The following GALNT10 variants were observed in gnomAD, a reference collection of about 807,000 sequenced individuals.
GALNT10 encodes GalNAc transferase 10.
A neutral mutation model predicts 75.0 loss-of-function variants in GALNT10; 41 were observed. That is an observed-to-expected ratio of 0.55 (90% confidence interval 0.43 to 0.71). The LOEUF (loss-of-function observed/expected upper bound fraction) is 0.71. Among genes scored for constraint, GALNT10 ranks in the 30% least tolerant of loss-of-function variants. The pLI, the probability that GALNT10 is intolerant of heterozygous loss-of-function variation, is 0.00. For synonymous variants in GALNT10, 302 were observed against 313.0 expected (o/e 0.96, Z 0.37); for missense variants, 727 against 818.5 (o/e 0.89, Z 1.36).
chr5:154,190,813 AGCTGGGGGCGG>A lies in GALNT10; in HGVS notation c.-53_-43del. On this transcript the variant is annotated 5_prime_UTR_variant, in exon 1 of 12. Coordinates refer to ENST00000297107, the MANE Select transcript of GALNT10 (RefSeq NM_198321.4). ...GCCGGGCGGACGGGCGGACGCGCGG[AGCTGGGGGCGG>A]CGCGGCGGGGCCGGCGGGGCGCGGC... The A allele has an allele frequency of 3.1e-6, 3 of 981,904 alleles. No homozygotes were observed. Among genetic ancestry groups the A allele is most frequent in the Non-Finnish European group, 3.7e-6 (3 of 813,132 alleles). 60.8% of individuals were successfully genotyped at this position (981,904 alleles called of 1,614,324 possible).
chr5:154,247,700 A>C (rs74617242), intron 1 of GALNT10, among the ~76,000 whole-genome samples: 89,144 of 152,048 alleles, frequency 0.59, 27,625 homozygotes, highest in East Asian at 0.76. Context: ...TATCAGCTTA[A>C]GGAGATTTTG....
At chr5:154,244,007 C>A (rs1291515418) in intron 1 of GALNT10, among the ~76,000 whole-genome samples, 4 of 152,168 alleles carry the variant, frequency 2.6e-5, no homozygotes, top group Admixed American at 2.6e-4. Context: ...GGAAGCTTGC[C>A]CTGGTCACTC....
intron 7 of GALNT10, 191 bp downstream of exon 7, chr5:154,386,621 G>GGGGGGCCCCGGC: frequency 2.6e-6 from 1 of 387,274 alleles, no homozygotes. Context: ...GTGTGGGAGG[G>GGGGGGCCCCGGC]AAGGGGAGTA....
intron 7 of GALNT10, among the ~76,000 whole-genome samples, chr5:154,400,813 G>A (rs1301113786): frequency 6.6e-6 from 1 of 152,166 alleles, no homozygotes; most frequent in Non-Finnish European, 1.5e-5. Context: ...TGAGCAAGAA[G>A]TGAGTGGAAT....
At chr5:154,399,689 C>T (rs776713871) in intron 7 of GALNT10, among the ~76,000 whole-genome samples, 25 of 152,302 alleles carry the variant, frequency 1.6e-4, no homozygotes, top group Admixed American at 7.8e-4. Flanking sequence ...TTGAATCAGT[C>T]TTGATTCACC....
intron 2 of GALNT10, among the ~76,000 whole-genome samples, chr5:154,295,967 C>A (rs1754265696): frequency 6.6e-6 from 1 of 152,146 alleles, no homozygotes; most frequent in South Asian, 2.1e-4. Context: ...ATGACAAAAC[C>A]AGCTTACCAC....
chr5:154,211,192 T>A (rs1415915471), intron 1 of GALNT10, among the ~76,000 whole-genome samples: 1 of 152,210 alleles, frequency 6.6e-6, no homozygotes, highest in Non-Finnish European at 1.5e-5. Flanking sequence ...AAGGGCTTGG[T>A]CCCTTTGGGG....
In GALNT10 at chr5:154,298,191, C is replaced by T. The variant is rs111468454; in HGVS notation, c.401+112C>T. The T allele has an allele frequency of 1.1e-6, 1 of 913,768 alleles. No homozygotes were observed. Among genetic ancestry groups the T allele is most frequent in the Non-Finnish European group, 1.7e-6 (1 of 580,556 alleles). 56.6% of individuals were successfully genotyped at this position (913,768 alleles called of 1,614,324 possible). A position where few individuals can be genotyped will look rare whatever the true frequency, so the allele number is the denominator to read the frequency against. Reference sequence around the variant, plus strand: ...GCCCTGCTGACGGAGACACCCTCCTCTTTCACAGGCATTTGTGCAAAGGTT... The same window carrying T: ...GCCCTGCTGACGGAGACACCCTCCTTTTTCACAGGCATTTGTGCAAAGGTT... On this transcript the variant is annotated intron_variant, in intron 3 of 11. Coordinates refer to ENST00000297107, the MANE Select transcript of GALNT10 (RefSeq NM_198321.4). This position sits in a 1 kb window ranked among gnomAD's most constrained non-coding sequence, Gnocchi z 4.1.
Position 154,402,333 on chromosome 5 carries a change from G to A in GALNT10, c.1057-1771G>A, listed in dbSNP as rs927178050. Reference sequence around the variant, plus strand: ...CTTTGCACTTGCTCTTCTCCCACCCGTTCCCTTGCCTTTACTTTCACCTTC... The same window carrying A: ...CTTTGCACTTGCTCTTCTCCCACCCATTCCCTTGCCTTTACTTTCACCTTC... On this transcript the variant is annotated intron_variant, in intron 7 of 11. Coordinates refer to ENST00000297107, the MANE Select transcript of GALNT10 (RefSeq NM_198321.4). This position sits in a 1 kb window ranked among gnomAD's most constrained non-coding sequence, Gnocchi z 4.2. Among the ~76,000 whole-genome samples, 16 of 152,066 alleles carry A rather than the reference G, an allele frequency of 1.1e-4. No individual in the cohort carries two copies. Among genetic ancestry groups the A allele is most frequent in the African/African-American group, 2.9e-4 (12 of 41,382 alleles).
At chr5:154,297,179 G>T (rs190331463) in intron 2 of GALNT10, among the ~76,000 whole-genome samples, 1 of 152,262 alleles carries the variant, frequency 6.6e-6, no homozygotes, top group East Asian at 1.9e-4. Context: ...ATTTCCTGGA[G>T]TATCACACTC....
intron 1 of GALNT10, among the ~76,000 whole-genome samples, chr5:154,252,075 C>T (rs1378728466): frequency 6.6e-6 from 1 of 152,020 alleles, no homozygotes; most frequent in Non-Finnish European, 1.5e-5. Context: ...TTGTCTTACC[C>T]ATGTTATACA....
chr5:154,414,818 T>C (rs1452667944), intron 10 of GALNT10, among the ~76,000 whole-genome samples: 1 of 151,998 alleles, frequency 6.6e-6, no homozygotes, highest in East Asian at 1.9e-4. Flanking sequence ...AGACTAACTG[T>C]GAAAAGAAAT....
At chr5:154,396,746 C>T (rs1756025575) in intron 7 of GALNT10, among the ~76,000 whole-genome samples, 1 of 152,260 alleles carries the variant, frequency 6.6e-6, no homozygotes, top group African/African-American at 2.4e-5. Flanking sequence ...GGGGAAGTAA[C>T]TAACTATAAA....
intron 1 of GALNT10, among the ~76,000 whole-genome samples, chr5:154,246,078 G>A (rs1490389047): frequency 6.6e-6 from 1 of 151,238 alleles, no homozygotes; most frequent in Non-Finnish European, 1.5e-5. Context: ...TTGTCCTTGC[G>A]ATAGTTTGCT....
In GALNT10 at chr5:154,298,021, A is replaced by G. The variant is rs750157494; in HGVS notation, c.343A>G (p.Ile115Val). The stretch of plus-strand genomic sequence containing the variant: ...GGCATACCGAGAAAATGGATTTAAC[A>G]TCTACGTCAGTGATAAAATCTCCTT... ...DQAYRENGFN[I>V]YVSDKISLNR... The change falls in exon 3 of 12, where the codon ATC becomes GTC. Residue 115 changes from isoleucine to valine, a missense_variant. Ile to Val is a conservative substitution (Grantham distance 29). Transcript: ENST00000297107. This position sits in a 1 kb window ranked among gnomAD's most constrained non-coding sequence, Gnocchi z 4.1. The G allele has an allele frequency of 1.9e-6, 3 of 1,613,474 alleles. No homozygotes were observed. Among genetic ancestry groups the G allele is most frequent in the Admixed American group, 1.7e-5 (1 of 60,028 alleles).
intron 5 of GALNT10, among the ~76,000 whole-genome samples, chr5:154,379,329 CA>C (rs1376842947): frequency 1.3e-5 from 2 of 152,216 alleles, no homozygotes; most frequent in Non-Finnish European, 2.9e-5. Flanking sequence ...CACTTACAAT[CA>C]ATTTCATGAC....
rs185654853 is a variant in GALNT10 at position 154,313,075 on chromosome 5, G to A, written c.401+14996G>A. Among the ~76,000 whole-genome samples the A allele has an allele frequency of 9.9e-5, 15 of 152,266 alleles. No individual in the cohort carries two copies. The East Asian group carries it at 2.5e-3, about 25-fold the overall frequency. On this transcript the variant is annotated intron_variant, in intron 3 of 11. Transcript: ENST00000297107. ...TTTAATCCCAACACTTTGGGAGGCC[G>A]AGGCAGGTGGATCACTTGAGGTCAG...
At chr5:154,325,374 T>C (rs1384209904) in intron 3 of GALNT10, among the ~76,000 whole-genome samples, 1 of 152,192 alleles carries the variant, frequency 6.6e-6, no homozygotes, top group African/African-American at 2.4e-5. Context: ...TAAGAATTTA[T>C]ATTTTTAGCA....
chr5:154,276,961 AAC>A (rs1753962352), intron 1 of GALNT10, among the ~76,000 whole-genome samples: 1 of 152,188 alleles, frequency 6.6e-6, no homozygotes, highest in Non-Finnish European at 1.5e-5. Context: ...TTAGCTTGCA[AAC>A]ACAGAACGGA....
Sources: allele counts gnomAD v4.1 joint callset (sites outside exome capture counted in the v4.1 genomes callset), GRCh38; gene constraint gnomAD v4.1.1; non-coding constraint Gnocchi (gnomAD v3.1); transcripts MANE v1.5; gene names NCBI Gene and HGNC (gene_info 2026-07-23, HGNC 2026-07-21).